AOPEP: variants seen among roughly 807,000 people sequenced by gnomAD.
AOPEP encodes the protein aminopeptidase O.
Under a neutral mutation model 98.1 loss-of-function variants are expected in AOPEP, and 77 were observed. The observed-to-expected ratio is 0.78, with a 90% CI of 0.65 to 0.95. The LOEUF is 0.95. Among genes scored for constraint, AOPEP ranks in the 40% least tolerant of loss-of-function variants. The pLI is 0.00. For missense variants in AOPEP, 1,024 were observed against 1,024.7 expected, an observed-to-expected ratio of 1.00 and a Z score of 0.01; for synonymous variants, 346 against 365.3, an observed-to-expected ratio of 0.95 and a Z score of 0.60.
intron 13 of AOPEP, among the ~76,000 whole-genome samples, chr9:95,018,344 G>A (rs568549427): frequency 2.0e-5 from 3 of 152,134 alleles, no homozygotes; most frequent in African/African-American, 7.2e-5. Flanking sequence ...GTGTTCAAAC[G>A]TGCTTTTTTA....
At chr9:95,108,184 A>T in the AOPEP span, among the ~76,000 whole-genome samples, 1 of 152,188 alleles carries the variant, frequency 6.6e-6, no homozygotes, top group Non-Finnish European at 1.5e-5. Context: ...GAAGTCTGTC[A>T]TAAACTCCAG....
At chr9:94,829,531 CACAAA>C (rs1365347815) in intron 5 of AOPEP, among the ~76,000 whole-genome samples, 2 of 152,182 alleles carry the variant, frequency 1.3e-5, no homozygotes, top group African/African-American at 4.8e-5. Flanking sequence ...GGATGTACTT[CACAAA>C]ACAAACAGGC....
intron 14 of AOPEP, among the ~76,000 whole-genome samples, chr9:95,073,736 G>T (rs1310659244): frequency 2.6e-5 from 4 of 152,182 alleles, no homozygotes; most frequent in Admixed American, 6.5e-5. Context: ...GCACATGTCT[G>T]TGTTGCCAGC....
chr9:94,976,483 G>A (rs879429012), intron 10 of AOPEP, among the ~76,000 whole-genome samples: 4 of 152,106 alleles, frequency 2.6e-5, no homozygotes, highest in African/African-American at 7.2e-5. Flanking sequence ...GTCGCTCCTC[G>A]GACTTCTCTT....
At chr9:94,745,905 A>T (rs953781663) in intron 1 of AOPEP, among the ~76,000 whole-genome samples, 1 of 152,182 alleles carries the variant, frequency 6.6e-6, no homozygotes, top group Non-Finnish European at 1.5e-5. Context: ...TTGATGGAAC[A>T]TACGGTATTT....
chr9:95,083,423 C>T lies in AOPEP; in HGVS notation c.*4+704C>T, dbSNP rs371299189. On this transcript the variant is annotated intron_variant, in intron 16 of 16. Coordinates refer to ENST00000375315, the MANE Select transcript of AOPEP (RefSeq NM_001193329.3). The stretch of plus-strand genomic sequence containing the variant: ...GCGCACGCACCACGCAGAGCACACA[C>T]GGCACATGCAGCATACACACCAAAC... Among the ~76,000 whole-genome samples the T allele has an allele frequency of 1.6e-4, 24 of 146,280 alleles. 1 individual carries two copies. In the East Asian group the frequency reaches 2.9e-3, roughly 18 times the overall value.
intron 5 of AOPEP, among the ~76,000 whole-genome samples, chr9:94,851,907 C>T (rs182908966): frequency 6.6e-5 from 10 of 151,666 alleles, no homozygotes; most frequent in South Asian, 4.2e-4. Flanking sequence ...TATAGGCCTC[C>T]GTGATTCCAG....
intron 5 of AOPEP, among the ~76,000 whole-genome samples, chr9:94,877,622 T>C (rs1174825659): frequency 1.3e-5 from 2 of 152,102 alleles, no homozygotes; most frequent in African/African-American, 4.8e-5. Flanking sequence ...GGTTTCACCA[T>C]GTTGGCCAGG....
chr9:94,820,508 T>C (rs1417330046), intron 5 of AOPEP, among the ~76,000 whole-genome samples: 1 of 152,258 alleles, frequency 6.6e-6, no homozygotes, highest in Non-Finnish European at 1.5e-5. Flanking sequence ...TTCTTTTTTA[T>C]TTAGCTGCAT....
the AOPEP span, among the ~76,000 whole-genome samples, chr9:95,134,850 G>A: frequency 6.6e-6 from 1 of 152,262 alleles, no homozygotes; most frequent in Non-Finnish European, 1.5e-5. Context: ...CCGCGCAGGG[G>A]AGGGTGAAGG....
the AOPEP span, chr9:95,126,662 AC>A: frequency 7.1e-7 from 1 of 1,407,954 alleles, no homozygotes; most frequent in African/African-American, 1.4e-5. Flanking sequence ...CAAAGGAGTT[AC>A]TGGGAACTGC....
At chr9:95,099,995 A>G in the AOPEP span, 1 of 232,300 alleles carries the variant, frequency 4.3e-6, no homozygotes, top group Non-Finnish European at 8.5e-6. Flanking sequence ...GCCTGGTCCC[A>G]GTGGCCCCTC....
At chr9:94,853,292 T>C (rs2043782759) in intron 5 of AOPEP, among the ~76,000 whole-genome samples, 1 of 152,136 alleles carries the variant, frequency 6.6e-6, no homozygotes, top group African/African-American at 2.4e-5. Context: ...AAACCCTATC[T>C]CCACTAAAAA....
chr9:94,759,898 A>G lies in AOPEP; in HGVS notation c.115A>G (p.Ile39Val), dbSNP rs1837872247. ...DLDVDFESQV[I>V]EGTIVLFLED... Reference sequence around the variant, plus strand: ...GGATGTGGATTTTGAAAGTCAAGTCATTGAGGGGACCATAGTGCTTTTCCT... The same window carrying G: ...GGATGTGGATTTTGAAAGTCAAGTCGTTGAGGGGACCATAGTGCTTTTCCT... The change falls in exon 2 of 17, where the codon ATT becomes GTT. Residue 39 changes from isoleucine to valine, a missense_variant. By Grantham distance (29) the Ile-to-Val change is conservative. This residue lies in a region of AOPEP where 440 missense variants were observed against 433.8 expected (regional missense o/e 1.01). Transcript: ENST00000375315. 3 of 1,614,194 alleles carry G rather than the reference A, an allele frequency of 1.9e-6. No homozygotes were observed. In the East Asian group the frequency reaches 6.7e-5, roughly 36 times the overall value.
intron 3 of AOPEP, 88 bp downstream of exon 3, chr9:94,773,256 G>A: frequency 2.5e-6 from 3 of 1,205,162 alleles, no homozygotes; most frequent in Non-Finnish European, 3.5e-6. Context: ...AAACTTTAAA[G>A]AGCTCCTTTA....
chr9:95,149,601 C>T, the AOPEP span, among the ~76,000 whole-genome samples: 1 of 152,022 alleles, frequency 6.6e-6, no homozygotes. Flanking sequence ...GACTCAGCCC[C>T]CCTAGTAGCT....
intron 5 of AOPEP, among the ~76,000 whole-genome samples, chr9:94,878,829 C>G (rs200275653): frequency 6.6e-6 from 1 of 152,222 alleles, no homozygotes; most frequent in Non-Finnish European, 1.5e-5. Flanking sequence ...TCCCCTTGCC[C>G]ACTGCCTAGA....
intron 13 of AOPEP, among the ~76,000 whole-genome samples, chr9:95,052,044 T>C (rs1253436085): frequency 6.6e-6 from 1 of 152,242 alleles, no homozygotes; most frequent in Non-Finnish European, 1.5e-5. Context: ...TTTTTAGATA[T>C]GTTCTAGTTG....
intron 5 of AOPEP, chr9:94,824,186 A>G (rs932949793): frequency 6.6e-6 from 1 of 152,238 alleles, no homozygotes; most frequent in African/African-American, 2.4e-5. Flanking sequence ...TTTTAGGAAC[A>G]ACAACAGTCA....
Sources: gnomAD v4.1 joint callset for allele counts (sites outside exome capture counted in the v4.1 genomes callset) on GRCh38, gnomAD v4.1.1 for gene constraint, gnomAD v4.1.1 regional missense constraint, MANE v1.5 for transcripts, NCBI Gene and HGNC (gene_info 2026-07-23, HGNC 2026-07-21) for gene names.